Variants in CYP3A5 observed in about 807,000 individuals in gnomAD.
CYP3A5 encodes the protein cytochrome P450 3A5.
In CYP3A5, 51 loss-of-function variants were observed where a neutral mutation model predicts 55.9. That is an observed-to-expected ratio of 0.91 (90% CI 0.73 to 1.15). CYP3A5 has a LOEUF of 1.15. CYP3A5 is among the 50% of genes most tolerant of loss of function. CYP3A5 has a pLI of 0.00. For missense variants in CYP3A5, 533 were observed against 596.6 expected (o/e 0.89, Z 1.11); for synonymous variants, 196 against 213.9 (o/e 0.92, Z 0.73).
intron 11 of CYP3A5, among the ~76,000 whole-genome samples, chr7:99,651,794 C>A (rs1191697199): frequency 6.6e-6 from 1 of 152,154 alleles, no homozygotes. Flanking sequence ...CCCTGAATTC[C>A]CAGAAGAGCA....
intron 9 of CYP3A5, among the ~76,000 whole-genome samples, chr7:99,661,689 G>A (rs1584435634): frequency 6.6e-6 from 1 of 152,218 alleles, no homozygotes; most frequent in Admixed American, 6.5e-5. Flanking sequence ...ATGAGTGTGA[G>A]AAAGGTCTAC....
At chr7:99,655,362 C>T (rs1809604072) in intron 10 of CYP3A5, among the ~76,000 whole-genome samples, 2 of 152,168 alleles carry the variant, frequency 1.3e-5, no homozygotes, top group African/African-American at 4.8e-5. Context: ...TTGTTTTTGT[C>T]AGGTTTGTCA....
At chr7:99,674,442 T>C (rs1584471605) in intron 3 of CYP3A5, 91 bp downstream of exon 3, 1 of 940,800 alleles carries the variant, frequency 1.1e-6, no homozygotes, top group East Asian at 2.5e-5. Flanking sequence ...AAGAGCTTCA[T>C]CCCATGAAGA....
intron 4 of CYP3A5, among the ~76,000 whole-genome samples, chr7:99,669,969 T>C (rs575478189): frequency 1.3e-5 from 2 of 152,140 alleles, no homozygotes; most frequent in African/African-American, 4.8e-5. Flanking sequence ...AGAAAATCCA[T>C]GTGCACAAGC....
chr7:99,666,763 G>T, intron 5 of CYP3A5, 74 bp from the exon 6 acceptor site: 1 of 1,610,078 alleles, frequency 6.2e-7, no homozygotes, highest in Non-Finnish European at 8.5e-7. Flanking sequence ...GCTTTCTCCA[G>T]CATGGAGCAG....
chr7:99,654,998 G>A (rs1366168497), intron 10 of CYP3A5, among the ~76,000 whole-genome samples: 16 of 152,076 alleles, frequency 1.1e-4, no homozygotes, highest in Admixed American at 1.0e-3. Flanking sequence ...AGATGAGTAG[G>A]TTGCAAAAAT....
intron 3 of CYP3A5, among the ~76,000 whole-genome samples, chr7:99,673,097 A>G (rs949724592): frequency 3.3e-5 from 5 of 152,224 alleles, no homozygotes; most frequent in African/African-American, 1.2e-4. Flanking sequence ...CAGGTAAATC[A>G]TCAAGTGCTC....
intron 1 of CYP3A5, among the ~76,000 whole-genome samples, chr7:99,677,488 A>G (rs576333270): frequency 6.6e-6 from 1 of 152,364 alleles, no homozygotes; most frequent in African/African-American, 2.4e-5. Flanking sequence ...AAGTAATGAT[A>G]AAACGTCCCG....
chr7:99,663,231 ATTC>A lies in CYP3A5; in HGVS notation c.799-352_799-350del. 3.8e-6 allele frequency: 4 copies of A among 1,059,452 alleles called. No homozygotes were observed. In the South Asian group the frequency reaches 9.8e-5, roughly 26 times the overall value. 65.6% of individuals were successfully genotyped at this position (1,059,452 alleles called of 1,614,324 possible). A position where few individuals can be genotyped will look rare whatever the true frequency, so the allele number is the denominator to read the frequency against. ...CCCAGGAAGAAGTACTGGATCTTTT[ATTC>A]TTCTACCTTTTTCTTCAGCAGTGTC... On this transcript the variant is annotated intron_variant, in intron 8 of 12. Transcript: ENST00000222982.
At chr7:99,656,776 T>C (rs1325626449) in intron 10 of CYP3A5, among the ~76,000 whole-genome samples, 1 of 152,236 alleles carries the variant, frequency 6.6e-6, no homozygotes, top group Non-Finnish European at 1.5e-5. Context: ...ATTGGTCTAT[T>C]CAGAGTTTCA....
intron 11 of CYP3A5, 37 bp downstream of exon 11, chr7:99,652,516 G>T: frequency 6.8e-7 from 1 of 1,461,158 alleles, no homozygotes; most frequent in Non-Finnish European, 9.4e-7. Context: ...GAACCAGCCT[G>T]GGTCAGGGTG....
intron 5 of CYP3A5, 72 bp downstream of exon 5, chr7:99,666,879 TG>T (rs1277265827): frequency 6.3e-7 from 1 of 1,599,208 alleles, no homozygotes; most frequent in Non-Finnish European, 8.5e-7. Flanking sequence ...GGAAACGGAC[TG>T]TGATCTTACT....
At chr7:99,679,762 A>G in intron 1 of CYP3A5, 64 bp downstream of exon 1, 2 of 1,496,648 alleles carry the variant, frequency 1.3e-6, no homozygotes, top group South Asian at 2.3e-5. Flanking sequence ...AGATAAGGGA[A>G]AAGGGGCCCG....
chr7:99,664,662 G>C (rs1810795207), intron 7 of CYP3A5, among the ~76,000 whole-genome samples: 1 of 152,058 alleles, frequency 6.6e-6, no homozygotes, highest in African/African-American at 2.4e-5. Flanking sequence ...CCAAAACACA[G>C]GATGTAGCCA....
intron 2 of CYP3A5, 149 bp from the exon 3 acceptor site, chr7:99,674,734 G>A (rs1332038040): frequency 1.3e-5 from 8 of 599,416 alleles, no homozygotes; most frequent in Non-Finnish European, 2.0e-5. Flanking sequence ...GATGTCTTAA[G>A]GGAAAGACAA....
chr7:99,657,714 G>A (rs1809913500), intron 10 of CYP3A5, among the ~76,000 whole-genome samples: 2 of 152,156 alleles, frequency 1.3e-5, no homozygotes, highest in South Asian at 2.1e-4. Context: ...TTGTGTGGGA[G>A]TCTAACTCTC....
At chr7:99,671,005 A>T (rs1375222801) in intron 4 of CYP3A5, 1 of 152,292 alleles carries the variant, frequency 6.6e-6, no homozygotes, top group East Asian at 1.9e-4. Context: ...AACCTGTTCA[A>T]TGATTTTGAA....
chr7:99,676,999 A>G (rs1284253862), intron 1 of CYP3A5, among the ~76,000 whole-genome samples: 1 of 152,024 alleles, frequency 6.6e-6, no homozygotes, highest in Non-Finnish European at 1.5e-5. Context: ...CTCAGGTCAT[A>G]CTCACCTGAG....
chr7:99,655,559 C>T (rs948694573), intron 10 of CYP3A5, among the ~76,000 whole-genome samples: 27 of 152,252 alleles, frequency 1.8e-4, no homozygotes, highest in Middle Eastern at 3.4e-3. Flanking sequence ...CTTGGCAATG[C>T]GGGCTCTTTT....
Sources: gnomAD v4.1 joint callset for allele counts (sites outside exome capture counted in the v4.1 genomes callset) on GRCh38, gnomAD v4.1.1 for gene constraint, MANE v1.5 for transcripts, NCBI Gene and HGNC (gene_info 2026-07-23, HGNC 2026-07-21) for gene names.